VPS33A: variants seen among roughly 807,000 people sequenced by gnomAD.
VPS33A encodes the protein vacuolar protein sorting-associated protein 33A.
A neutral mutation model predicts 71.8 loss-of-function variants in VPS33A; 32 were observed. The observed-to-expected ratio is 0.45, with a 90% CI of 0.34 to 0.60. The LOEUF (loss-of-function observed/expected upper bound fraction) is 0.60. Ranked by LOEUF, VPS33A falls within the 20% of genes least tolerant of loss-of-function variation. The pLI is 0.02. For synonymous variants in VPS33A, 311 were observed against 292.7 expected, an observed-to-expected ratio of 1.06 and a Z score of -0.64; for missense variants, 625 against 748.5, an observed-to-expected ratio of 0.84 and a Z score of 1.92.
chr12:122,265,373 T>C (rs1442035872), intron 1 of VPS33A, among the ~76,000 whole-genome samples: 1 of 152,124 alleles, frequency 6.6e-6, no homozygotes, highest in Non-Finnish European at 1.5e-5. Flanking sequence ...TATGAGTATT[T>C]CTACCGCTAA....
chr12:122,247,792 C>A (rs1226487803), intron 6 of VPS33A, among the ~76,000 whole-genome samples: 1 of 152,128 alleles, frequency 6.6e-6, no homozygotes, highest in Non-Finnish European at 1.5e-5. Context: ...ACTCCCCATC[C>A]CCTTCCTGTA....
intron 9 of VPS33A, 135 bp downstream of exon 9, chr12:122,239,742 TC>T (rs1954685655): frequency 4.3e-6 from 2 of 467,984 alleles, no homozygotes; most frequent in Non-Finnish European, 6.7e-6. Context: ...ACAGTGAGAC[TC>T]CGTCTCAAAA....
At chr12:122,260,834 G>A (rs1347489507) in intron 4 of VPS33A, among the ~76,000 whole-genome samples, 1 of 152,132 alleles carries the variant, frequency 6.6e-6, no homozygotes, top group Non-Finnish European at 1.5e-5. Flanking sequence ...AATCAGCTAA[G>A]CATAGTGGCG....
At chr12:122,239,524 G>A (rs1031609442) in intron 9 of VPS33A, among the ~76,000 whole-genome samples, 3 of 151,994 alleles carry the variant, frequency 2.0e-5, no homozygotes, top group East Asian at 3.9e-4. Flanking sequence ...TCACAAGGTC[G>A]GAGATCGAGA....
rs113763972 is a variant in VPS33A, at chr12:122,259,104, T to C, written c.483+2157A>G. On this transcript the variant is annotated intron_variant, in intron 4 of 12. Transcript: ENST00000267199. ...GGTACAGCTTCAGTGCAAAAGAGTT[T>C]GGCAGCTCCTCCAAATGTTAAATGC... Among the ~76,000 whole-genome samples, 319 of 152,032 alleles carry C rather than the reference T, an allele frequency of 2.1e-3. 5 individuals carry two copies. In the East Asian group the frequency reaches 0.043, roughly 20 times the overall value.
In VPS33A at chr12:122,238,707, C is replaced by T. The variant is rs1275146619; in HGVS notation, c.1182G>A (p.Glu394=). The T allele has an allele frequency of 1.2e-6, 2 of 1,612,834 alleles. No homozygotes were observed. Among genetic ancestry groups the T allele is most frequent in the Admixed American group, 1.7e-5 (1 of 59,648 alleles). The change falls in exon 10 of 13, where the codon GAG becomes GAA. Residue 394 remains glutamate (E), a synonymous_variant. Coordinates refer to ENST00000267199, the MANE Select transcript of VPS33A (RefSeq NM_022916.6). ...IDTDKVNNYI[E]DCIAQKHSLI... Reference sequence around the variant, plus strand: ...ACGAGTGCTTTTGGGCGATACAATCCTCAATGTAATTGTTGACCTGGAAAT... The same window carrying T: ...ACGAGTGCTTTTGGGCGATACAATCTTCAATGTAATTGTTGACCTGGAAAT...
intron 8 of VPS33A, among the ~76,000 whole-genome samples, chr12:122,240,741 G>C (rs1416988666): frequency 6.6e-6 from 1 of 152,180 alleles, no homozygotes; most frequent in Non-Finnish European, 1.5e-5. Context: ...TTTAATAGAT[G>C]TCTTCTGAGC....
chr12:122,256,612 C>G (rs1476660765), intron 4 of VPS33A, among the ~76,000 whole-genome samples: 2 of 151,844 alleles, frequency 1.3e-5, no homozygotes, highest in African/African-American at 4.8e-5. Context: ...GTCTCCAGAG[C>G]AGCAGCAGCG....
intron 3 of VPS33A, 37 bp downstream of exon 3, chr12:122,263,535 C>T: frequency 1.9e-6 from 3 of 1,558,114 alleles, no homozygotes; most frequent in Non-Finnish European, 2.6e-6. Flanking sequence ...ATTATAAGAA[C>T]CAAACTCTTT....
intron 4 of VPS33A, among the ~76,000 whole-genome samples, chr12:122,251,693 A>G (rs1363614048): frequency 1.3e-5 from 2 of 151,856 alleles, no homozygotes; most frequent in African/African-American, 4.8e-5. Context: ...CAAACACCGC[A>G]TGTTCTCACT....
chr12:122,235,543 T>A (rs1412620412), intron 11 of VPS33A, among the ~76,000 whole-genome samples: 2 of 151,944 alleles, frequency 1.3e-5, no homozygotes, highest in Admixed American at 1.3e-4. Flanking sequence ...GGATTATAGG[T>A]GTGAGCCACC....
At chr12:122,256,356 T>A (rs552028190) in intron 4 of VPS33A, among the ~76,000 whole-genome samples, 1 of 151,792 alleles carries the variant, frequency 6.6e-6, no homozygotes, top group Non-Finnish European at 1.5e-5. Context: ...GGCAGATCTC[T>A]TGAGGTCAGG....
rs77889248 is a variant in VPS33A at position 122,257,750 on chromosome 12, A to G, written c.483+3511T>C. Among the ~76,000 whole-genome samples the G allele has an allele frequency of 1.8e-3, 278 of 152,274 alleles. 5 individuals are homozygous for G. The East Asian group carries it at 0.043, about 23-fold the overall frequency. ...TCAAAAAGCACAATCTAAAAGAACA[A>G]AAGTGATATATTTACCTGCTTTAGG... is the stretch of plus-strand genomic sequence containing the variant. On this transcript the variant is annotated intron_variant, in intron 4 of 12. Coordinates refer to ENST00000267199, the MANE Select transcript of VPS33A (RefSeq NM_022916.6).
intron 4 of VPS33A, chr12:122,253,150 T>G (rs1483796175): frequency 6.6e-6 from 1 of 151,948 alleles, no homozygotes; most frequent in African/African-American, 2.4e-5. Flanking sequence ...CTTTCAAGTG[T>G]GGTATATTTT....
In VPS33A at chr12:122,242,469, A is replaced by G; in HGVS notation, c.1009T>C (p.Phe337Leu). 6.2e-7 allele frequency: 1 copy of G among 1,614,162 alleles called. No homozygotes were observed. The highest frequency in any genetic ancestry group is 8.5e-7 in the Non-Finnish European group (1 of 1,179,990). The change falls in exon 8 of 13, where the codon TTT becomes CTT. Residue 337 changes from phenylalanine (F) to leucine (L), a missense_variant. By Grantham distance (22) the Phe-to-Leu change is conservative. Transcript: ENST00000267199. ...TGCATGTGGGGCAACTGGGAAACAAACTGCTTGATCTCCCCCACGGTCTTA... is the reference window on the plus strand; with the variant it reads ...TGCATGTGGGGCAACTGGGAAACAAGCTGCTTGATCTCCCCCACGGTCTTA... ...NAKTVGEIKQ[F>L]VSQLPHMQAA... is the part of the protein sequence containing the mutation.
At position 122,263,832 on chromosome 12, in the gene VPS33A, G is replaced by C. The variant is rs1955031809; in HGVS notation, c.169-133C>G. 3.5e-6 allele frequency: 4 copies of C among 1,140,582 alleles called. No homozygotes were observed. In the South Asian group the frequency reaches 7.3e-5, roughly 21 times the overall value. The allele number at this position is 1,140,582 out of a possible 1,614,324, so 70.7% of individuals were successfully genotyped here. ...ATATCAAAATTTAGATTCCCTCAAAGCCAAATACATAAAGGACAAAGTTTC... is the reference window on the plus strand; with the variant it reads ...ATATCAAAATTTAGATTCCCTCAAACCCAAATACATAAAGGACAAAGTTTC... On this transcript the variant is annotated intron_variant, in intron 2 of 12. Coordinates refer to ENST00000267199, the MANE Select transcript of VPS33A (RefSeq NM_022916.6).
Position 122,257,605 on chromosome 12 carries a change from G to A in VPS33A, c.483+3656C>T, listed in dbSNP as rs539602250. Among the ~76,000 whole-genome samples, 18 of 151,828 alleles carry A rather than the reference G, an allele frequency of 1.2e-4. No individual in the cohort carries two copies. The East Asian group carries it at 3.5e-3, about 29-fold the overall frequency. On this transcript the variant is annotated intron_variant, in intron 4 of 12. Coordinates refer to ENST00000267199, the MANE Select transcript of VPS33A (RefSeq NM_022916.6). Reference sequence around the variant, plus strand: ...GGAGAACTGCTTGAACCTGGGAGGTGAAGGTTGCAGTGAGCTGAGATTACA... The same window carrying A: ...GGAGAACTGCTTGAACCTGGGAGGTAAAGGTTGCAGTGAGCTGAGATTACA...
At position 122,266,477 on chromosome 12, in the gene VPS33A, G is replaced by A. The variant is rs1955075168; in HGVS notation, c.-69C>T. On this transcript the variant is annotated 5_prime_UTR_variant, in exon 1 of 13. Transcript: ENST00000267199. ...CGGTTCCTACGGGAGGACCACGGAC[G>A]CAGTCACGTGACCAAACGTCCACGT... The A allele has an allele frequency of 7.0e-6, 11 of 1,560,766 alleles. No individual in the cohort carries two copies. The highest frequency in any genetic ancestry group is 5.5e-5 in the Admixed American group (3 of 54,756).
At position 122,246,361 on chromosome 12, in the gene VPS33A, G is replaced by A. The variant is rs556913098; in HGVS notation, c.776-1599C>T. ...CTCGCCCAGGCTGGAGTGCAGTGGC[G>A]TGATCTCAGCTCACTACAACCTCCA... On this transcript the variant is annotated intron_variant, in intron 6 of 12. Coordinates refer to ENST00000267199, the MANE Select transcript of VPS33A (RefSeq NM_022916.6). Among the ~76,000 whole-genome samples the A allele has an allele frequency of 2.0e-3, 298 of 151,502 alleles. 1 individual carries two copies. Among genetic ancestry groups the A allele is most frequent in the African/African-American group, 6.6e-3 (272 of 41,280 alleles).
Sources: allele counts gnomAD v4.1 joint callset (sites outside exome capture counted in the v4.1 genomes callset), GRCh38; gene constraint gnomAD v4.1.1; transcripts MANE v1.5; gene names NCBI Gene and HGNC (gene_info 2026-07-23, HGNC 2026-07-21).